ARHGAP42: variants seen among roughly 807,000 people sequenced by gnomAD.
The protein encoded by ARHGAP42 is Rho GTPase activating protein 42.
Under a neutral mutation model 125.0 loss-of-function variants are expected in ARHGAP42, and 63 were observed. The observed-to-expected ratio is 0.50, with a 90% CI of 0.41 to 0.62. The LOEUF is 0.62. ARHGAP42 is among the 20% of genes least tolerant of loss of function. The probability of loss-of-function intolerance (pLI) is 0.00; values close to 1 mark genes in which losing one functional copy is unlikely to be tolerated. For synonymous variants in ARHGAP42, 339 were observed against 351.0 expected (o/e 0.97, Z 0.38); for missense variants, 766 against 1,024.2 (o/e 0.75, Z 3.44).
At chr11:100,795,079 T>G in intron 2 of ARHGAP42, 26 bp from the exon 3 acceptor site, 1 of 1,506,544 alleles carries the variant, frequency 6.6e-7, no homozygotes, top group Non-Finnish European at 8.9e-7. Context: ...TATTAATTCT[T>G]TGCATTTTTT....
At chr11:100,745,810 A>T (rs1346778101) in intron 1 of ARHGAP42, among the ~76,000 whole-genome samples, 3 of 152,224 alleles carry the variant, frequency 2.0e-5, no homozygotes, top group African/African-American at 7.2e-5. Flanking sequence ...TAGTGTAGTT[A>T]ATAGATCGCT....
At chr11:100,944,965 C>T (rs1867978333) in intron 10 of ARHGAP42, among the ~76,000 whole-genome samples, 1 of 151,996 alleles carries the variant, frequency 6.6e-6, no homozygotes, top group Admixed American at 6.6e-5. Context: ...TTCTCTGTAC[C>T]ATGCAATGCT....
chr11:100,910,108 A>G (rs1866868684), intron 4 of ARHGAP42, among the ~76,000 whole-genome samples: 1 of 152,144 alleles, frequency 6.6e-6, no homozygotes, highest in African/African-American at 2.4e-5. Context: ...GCAGACCCAA[A>G]TGTAGCTTAC....
intron 5 of ARHGAP42, among the ~76,000 whole-genome samples, chr11:100,915,261 G>T (rs7943777): frequency 0.099 from 15,013 of 152,164 alleles, 848 homozygotes; most frequent in Non-Finnish European, 0.11. Flanking sequence ...TGTCTTAAGT[G>T]ATATTAAGAC....
chr11:100,912,142 A>AAC (rs1456046068), intron 4 of ARHGAP42, among the ~76,000 whole-genome samples: 11 of 152,162 alleles, frequency 7.2e-5, no homozygotes, highest in Non-Finnish European at 1.5e-4. Context: ...CATTTCCTAG[A>AAC]TAGATAAACC....
intron 9 of ARHGAP42, among the ~76,000 whole-genome samples, chr11:100,942,795 TA>T (rs60838813): frequency 0.05 from 7,540 of 152,106 alleles, 325 homozygotes; most frequent in East Asian, 0.25. Context: ...AAGGAGAACA[TA>T]ACCAGAGAAA....
intron 4 of ARHGAP42, among the ~76,000 whole-genome samples, chr11:100,879,294 G>C (rs951749818): frequency 2.0e-5 from 3 of 152,014 alleles, no homozygotes; most frequent in Non-Finnish European, 4.4e-5. Flanking sequence ...CTATTTGGGG[G>C]GTTATCCTTG....
intron 3 of ARHGAP42, among the ~76,000 whole-genome samples, chr11:100,806,340 A>G (rs1362158606): frequency 6.6e-6 from 1 of 152,128 alleles, no homozygotes; most frequent in Non-Finnish European, 1.5e-5. Context: ...TGCTTTGCGG[A>G]TATGCCCTCG....
intron 4 of ARHGAP42, among the ~76,000 whole-genome samples, chr11:100,863,130 T>A (rs1262221761): frequency 1.3e-5 from 2 of 152,060 alleles, no homozygotes; most frequent in Non-Finnish European, 2.9e-5. Context: ...ATAGATCAAT[T>A]TTCTTTTGGC....
At chr11:100,907,882 G>C (rs528330485) in intron 4 of ARHGAP42, among the ~76,000 whole-genome samples, 1 of 152,276 alleles carries the variant, frequency 6.6e-6, no homozygotes, top group East Asian at 1.9e-4. Context: ...TTTTGGAATA[G>C]AAACTTAGCT....
At chr11:100,796,768 CTTTTTT>C (rs35175302) in intron 3 of ARHGAP42, among the ~76,000 whole-genome samples, 2 of 118,980 alleles carry the variant, frequency 1.7e-5, no homozygotes, top group African/African-American at 3.1e-5. Flanking sequence ...CTTTTTAATT[CTTTTTT>C]TTTTTTTTTT....
intron 1 of ARHGAP42, among the ~76,000 whole-genome samples, chr11:100,765,441 C>T (rs1383984384): frequency 1.3e-5 from 2 of 152,116 alleles, no homozygotes; most frequent in South Asian, 4.1e-4. Flanking sequence ...CTTGTGTGAC[C>T]TTGGGGAAGT....
Position 100,742,350 on chromosome 11 carries a change from T to A in ARHGAP42, c.155-27993T>A, listed in dbSNP as rs904367630. Reference sequence around the variant, plus strand: ...GAAGTGGTCTTAACGTCTGTCTTATTCAGTGACTAATTGATTTTCCTTGAG... The same window carrying A: ...GAAGTGGTCTTAACGTCTGTCTTATACAGTGACTAATTGATTTTCCTTGAG... On this transcript the variant is annotated intron_variant, in intron 1 of 23. Coordinates refer to ENST00000298815, the MANE Select transcript of ARHGAP42 (RefSeq NM_152432.4). 2.9e-5 allele frequency among the ~76,000 whole-genome samples: 3 copies of A among 104,762 alleles called. 1 individual carries two copies. Among genetic ancestry groups the A allele is most frequent in the Non-Finnish European group, 5.8e-5 (3 of 51,544 alleles). 68.7% of individuals were successfully genotyped at this position (104,762 alleles called of 152,430 possible).
rs982436923 is a variant in ARHGAP42, at chr11:100,978,966, G to A, written c.2394-21G>A. ...GAATGTGATTGACTTCATGAAACTT[G>A]CATTTTAAATCATTTTTCAGAGTGG... On this transcript the variant is annotated intron_variant, in intron 21 of 23. Transcript: ENST00000298815. 7 of 1,551,130 alleles carry A rather than the reference G, an allele frequency of 4.5e-6. No individual in the cohort carries two copies. The South Asian group carries it at 8.3e-5, about 18-fold the overall frequency.
intron 6 of ARHGAP42, among the ~76,000 whole-genome samples, chr11:100,930,812 C>A (rs950143843): frequency 2.6e-5 from 4 of 152,296 alleles, no homozygotes; most frequent in Admixed American, 6.5e-5. Context: ...AGTGAATCTG[C>A]AAGCATGAAG....
intron 1 of ARHGAP42, among the ~76,000 whole-genome samples, chr11:100,695,834 A>G (rs1861268994): frequency 6.6e-6 from 1 of 152,230 alleles, no homozygotes; most frequent in Admixed American, 6.5e-5. Context: ...ACATGGGAAC[A>G]CATAAGAGAG....
At chr11:100,742,207 T>G (rs1862202611) in intron 1 of ARHGAP42, among the ~76,000 whole-genome samples, 1 of 152,210 alleles carries the variant, frequency 6.6e-6, no homozygotes, top group Non-Finnish European at 1.5e-5. Context: ...GGGGGTCTTA[T>G]TTTTGTGTGT....
chr11:100,971,767 T>C (rs1858253342), intron 17 of ARHGAP42, among the ~76,000 whole-genome samples: 1 of 152,160 alleles, frequency 6.6e-6, no homozygotes, highest in African/African-American at 2.4e-5. Context: ...TGAGATCATA[T>C]ACAATTTATT....
intron 2 of ARHGAP42, among the ~76,000 whole-genome samples, chr11:100,777,840 T>C (rs766126356): frequency 1.3e-5 from 2 of 152,222 alleles, no homozygotes; most frequent in Non-Finnish European, 2.9e-5. Flanking sequence ...AGTACAAATA[T>C]GCATTTTTAC....
Sources: gnomAD v4.1 joint callset for allele counts (sites outside exome capture counted in the v4.1 genomes callset) on GRCh38, gnomAD v4.1.1 for gene constraint, MANE v1.5 for transcripts, NCBI Gene and HGNC (gene_info 2026-07-23, HGNC 2026-07-21) for gene names.